The following GLIS3 variants were observed in gnomAD, a reference collection of about 807,000 sequenced individuals.
GLIS3 encodes GLIS family zinc finger 3.
GLIS3 carries 53 observed loss-of-function variants against 78.6 expected under a neutral mutation model. That is an observed-to-expected ratio of 0.67 (90% CI 0.54 to 0.85). The LOEUF is 0.85. GLIS3 is among the 40% of genes least tolerant of loss of function. The probability of loss-of-function intolerance (pLI) is 0.00; values close to 1 mark genes in which losing one functional copy is unlikely to be tolerated. For synonymous variants in GLIS3, 684 were observed against 509.9 expected (o/e 1.34, Z -4.60); for missense variants, 1,703 against 1,231.1 (o/e 1.38, Z -5.74).
the GLIS3 span, among the ~76,000 whole-genome samples, chr9:4,405,117 G>A: frequency 1.1e-4 from 17 of 152,232 alleles, no homozygotes; most frequent in East Asian, 2.7e-3. Flanking sequence ...CACTTTGGGA[G>A]GCCGAGGAGG....
intron 4 of GLIS3, among the ~76,000 whole-genome samples, chr9:3,944,560 C>A (rs187365972): frequency 6.6e-6 from 1 of 152,112 alleles, no homozygotes; most frequent in Non-Finnish European, 1.5e-5. Context: ...TGTGTAAACA[C>A]AACAGTAAGT....
At chr9:4,087,671 G>C (rs916477644) in intron 4 of GLIS3, among the ~76,000 whole-genome samples, 3 of 152,166 alleles carry the variant, frequency 2.0e-5, no homozygotes, top group African/African-American at 4.8e-5. Flanking sequence ...AGGGGGAAAG[G>C]TGGTACATCA....
At chr9:4,157,070 C>T (rs1835094385) in intron 2 of GLIS3, among the ~76,000 whole-genome samples, 1 of 152,168 alleles carries the variant, frequency 6.6e-6, no homozygotes, top group Non-Finnish European at 1.5e-5. Context: ...TATATGATTA[C>T]TACAGGTCCT....
chr9:4,316,013 AAC>A (rs1408173100), intron 2 of GLIS3, among the ~76,000 whole-genome samples: 1 of 152,184 alleles, frequency 6.6e-6, no homozygotes, highest in Non-Finnish European at 1.5e-5. Flanking sequence ...TTTAAAAGAA[AAC>A]ACATATTTAT....
At chr9:3,998,393 C>G (rs1373068202) in intron 4 of GLIS3, among the ~76,000 whole-genome samples, 2 of 152,052 alleles carry the variant, frequency 1.3e-5, no homozygotes, top group African/African-American at 4.8e-5. Context: ...TCAAATATAT[C>G]ACAGAGTTTT....
chr9:4,187,667 T>G (rs1002519688), intron 2 of GLIS3, among the ~76,000 whole-genome samples: 7 of 152,208 alleles, frequency 4.6e-5, no homozygotes, highest in Non-Finnish European at 1.0e-4. Flanking sequence ...CCTCTTTTAT[T>G]TCACTGAGCA....
intron 4 of GLIS3, among the ~76,000 whole-genome samples, chr9:3,949,850 G>T (rs1259865476): frequency 6.6e-6 from 1 of 152,184 alleles, no homozygotes; most frequent in Non-Finnish European, 1.5e-5. Flanking sequence ...TCCGTTGGTG[G>T]ATATAAGAAT....
chr9:3,915,466 C>T (rs1276458068), intron 6 of GLIS3, among the ~76,000 whole-genome samples: 1 of 152,012 alleles, frequency 6.6e-6, no homozygotes, highest in African/African-American at 2.4e-5. Flanking sequence ...AAGACCGGGT[C>T]AAGAGGAGGC....
chr9:4,390,801 G>C, the GLIS3 span, among the ~76,000 whole-genome samples: 1 of 152,104 alleles, frequency 6.6e-6, no homozygotes, highest in African/African-American at 2.4e-5. Flanking sequence ...ACCTTCCTTG[G>C]ACTCCGCTGG....
chr9:4,272,103 T>TC (rs1437041346), intron 2 of GLIS3, among the ~76,000 whole-genome samples: 2 of 152,138 alleles, frequency 1.3e-5, no homozygotes, highest in Admixed American at 6.5e-5. Flanking sequence ...GAGTAAGGGC[T>TC]CAAAAAGTTA....
chr9:4,148,127 A>G (rs1564118164), intron 2 of GLIS3, among the ~76,000 whole-genome samples: 1 of 152,156 alleles, frequency 6.6e-6, no homozygotes, highest in Non-Finnish European at 1.5e-5. Flanking sequence ...AGGAGTTAAC[A>G]TTTAACTTGA....
intron 2 of GLIS3, among the ~76,000 whole-genome samples, chr9:4,271,571 G>C (rs78972149): frequency 2.6e-5 from 4 of 152,296 alleles, no homozygotes; most frequent in African/African-American, 9.6e-5. Flanking sequence ...GCATAAGCAA[G>C]TGGCATATTC....
intron 2 of GLIS3, among the ~76,000 whole-genome samples, chr9:4,311,116 G>A (rs1296206203): frequency 6.6e-6 from 1 of 152,204 alleles, no homozygotes; most frequent in Non-Finnish European, 1.5e-5. Flanking sequence ...GGATAGAAGT[G>A]TATACCTTTT....
At chr9:3,963,376 G>A (rs13284649) in intron 4 of GLIS3, among the ~76,000 whole-genome samples, 10,980 of 152,208 alleles carry the variant, frequency 0.072, 471 homozygotes, top group Middle Eastern at 0.14. Context: ...TTGAAGTGAC[G>A]ACTGCTCCCC....
In GLIS3 at chr9:3,908,982, C is replaced by G. The variant is rs1236274164; in HGVS notation, c.1984-10147G>C. Among the ~76,000 whole-genome samples the G allele has an allele frequency of 2.0e-5, 3 of 152,234 alleles. No homozygotes were observed. The East Asian group carries it at 5.8e-4, about 29-fold the overall frequency. ...AAAGAAAACGAGGCACAATCAAAGGCCTTTTGTTTTCCCTGTCTCCAATGA... is the reference window on the plus strand; with the variant it reads ...AAAGAAAACGAGGCACAATCAAAGGGCTTTTGTTTTCCCTGTCTCCAATGA... On this transcript the variant is annotated intron_variant, in intron 6 of 10. Transcript: ENST00000381971.
At chr9:4,378,961 G>A in the GLIS3 span, among the ~76,000 whole-genome samples, 13 of 152,290 alleles carry the variant, frequency 8.5e-5, no homozygotes, top group African/African-American at 2.9e-4. Flanking sequence ...CAAGTGTTTT[G>A]GGTTAAATGA....
intron 2 of GLIS3, among the ~76,000 whole-genome samples, chr9:4,201,565 G>T (rs773527728): frequency 7.8e-4 from 119 of 152,080 alleles, no homozygotes; most frequent in Admixed American, 2.1e-3. Flanking sequence ...GCCTAATTAA[G>T]AACAAAATCC....
At chr9:4,156,738 C>G (rs545332892) in intron 2 of GLIS3, among the ~76,000 whole-genome samples, 1 of 152,180 alleles carries the variant, frequency 6.6e-6, no homozygotes, top group African/African-American at 2.4e-5. Flanking sequence ...AGTTTCATGC[C>G]CTTATCTGAT....
At chr9:4,489,345 C>T in the GLIS3 span, among the ~76,000 whole-genome samples, 1 of 152,066 alleles carries the variant, frequency 6.6e-6, no homozygotes, top group African/African-American at 2.4e-5. Context: ...TCAATTTACA[C>T]CAAAGGGATG....
Sources: gnomAD v4.1 joint callset for allele counts (sites outside exome capture counted in the v4.1 genomes callset) on GRCh38, gnomAD v4.1.1 for gene constraint, MANE v1.5 for transcripts, NCBI Gene and HGNC (gene_info 2026-07-23, HGNC 2026-07-21) for gene names.